The following DPP8 variants were observed in gnomAD, a reference collection of about 807,000 sequenced individuals.
The protein encoded by DPP8 is DPP VIII.
A neutral mutation model predicts 107.5 loss-of-function variants in DPP8; 31 were observed. The observed-to-expected ratio is 0.29, with a 90% confidence interval of 0.22 to 0.39. The LOEUF is 0.39. DPP8 is among the 10% of genes least tolerant of loss of function. The pLI is 1.00. For synonymous variants in DPP8, 381 were observed against 356.6 expected (o/e 1.07, Z -0.77); for missense variants, 842 against 1,076.1 (o/e 0.78, Z 3.04).
chr15:65,500,070 TA>T (rs1362923715), intron 4 of DPP8, among the ~76,000 whole-genome samples: 1 of 152,090 alleles, frequency 6.6e-6, no homozygotes, highest in Non-Finnish European at 1.5e-5. Flanking sequence ...TAAGTTTTTT[TA>T]AATTTTTTTT....
At position 65,510,750 on chromosome 15, in the gene DPP8, G is replaced by T. The variant is rs150486617; in HGVS notation, c.259+1545C>A. Among the ~76,000 whole-genome samples the T allele has an allele frequency of 3.4e-3, 522 of 152,262 alleles. 3 individuals carry two copies. The highest frequency in any genetic ancestry group is 0.012 in the African/African-American group (492 of 41,564). The stretch of plus-strand genomic sequence containing the variant: ...GACGCGGTTTCACCATGTTGGTGAG[G>T]CTGGTCTCAAACTCCTGACCTCAAG... On this transcript the variant is annotated intron_variant, in intron 2 of 19. Coordinates refer to ENST00000300141, the MANE Select transcript of DPP8 (RefSeq NM_130434.5).
At chr15:65,487,921 C>T in intron 6 of DPP8, 103 bp from the exon 7 acceptor site, 3 of 788,518 alleles carry the variant, frequency 3.8e-6, no homozygotes, top group Non-Finnish European at 6.0e-6. Context: ...TGAAGAATAA[C>T]TTATGTATAA....
At chr15:65,464,275 AGGG>A (rs2065158201) in intron 14 of DPP8, among the ~76,000 whole-genome samples, 6 of 152,130 alleles carry the variant, frequency 3.9e-5, no homozygotes, top group Admixed American at 3.9e-4. Flanking sequence ...AGGCAGGAGA[AGGG>A]TGTGAACCCG....
intron 9 of DPP8, 40 bp downstream of exon 9, chr15:65,481,475 C>T (rs2066918929): frequency 7.5e-7 from 1 of 1,339,510 alleles, no homozygotes; most frequent in Non-Finnish European, 1.0e-6. Flanking sequence ...GCTCTGGATC[C>T]TAAATTAGTT....
intron 11 of DPP8, among the ~76,000 whole-genome samples, chr15:65,477,118 C>T (rs1025625900): frequency 6.6e-6 from 1 of 152,068 alleles, no homozygotes; most frequent in African/African-American, 2.4e-5. Flanking sequence ...GTGATGATTG[C>T]ACAACAACAT....
At chr15:65,454,198 A>G in intron 17 of DPP8, 65 bp downstream of exon 17, 3 of 1,229,988 alleles carry the variant, frequency 2.4e-6, no homozygotes, top group Non-Finnish European at 3.2e-6. Flanking sequence ...ACATTTTCAT[A>G]TATCCTCCAT....
rs1273325137 is a variant in DPP8, at chr15:65,511,658, ACT to A, written c.259+635_259+636del. Among the ~76,000 whole-genome samples, 901 of 150,104 alleles carry A rather than the reference ACT, an allele frequency of 6.0e-3. 12 individuals are homozygous for A. Among genetic ancestry groups the A allele is most frequent in the African/African-American group, 0.021 (859 of 40,720 alleles). ...CTGTCTCAAAAAAAAAAAAAAAAAA[ACT>A]ATAATTATGACATGAACTCATGCAG... On this transcript the variant is annotated intron_variant, in intron 2 of 19. Coordinates refer to ENST00000300141, the MANE Select transcript of DPP8 (RefSeq NM_130434.5).
At chr15:65,473,344 G>T (rs898778065) in intron 12 of DPP8, among the ~76,000 whole-genome samples, 1 of 149,498 alleles carries the variant, frequency 6.7e-6, no homozygotes, top group Non-Finnish European at 1.5e-5. Flanking sequence ...AAAAAAAGAA[G>T]AATAGAGGGA....
chr15:65,469,653 CAAAAAAAAA>C lies in DPP8; in HGVS notation c.1537-2439_1537-2431del, dbSNP rs61311948. ...GGGCAACAAAAGCAAAACTCCGTCT[CAAAAAAAAA>C]AAAAAAAAAAAAAAATTACAAAAAT... On this transcript the variant is annotated intron_variant, in intron 12 of 19. Coordinates refer to ENST00000300141, the MANE Select transcript of DPP8 (RefSeq NM_130434.5). Among the ~76,000 whole-genome samples, 382 of 66,520 alleles carry C rather than the reference CAAAAAAAAA, an allele frequency of 5.7e-3. 2 individuals are homozygous for C. The highest frequency in any genetic ancestry group is 0.022 in the African/African-American group (369 of 16,596). The allele number at this position is 66,520 out of a possible 152,430, so 43.6% of individuals were successfully genotyped here.
chr15:65,478,605 T>C (rs557363282), intron 11 of DPP8, among the ~76,000 whole-genome samples: 9 of 152,150 alleles, frequency 5.9e-5, no homozygotes, highest in Non-Finnish European at 1.0e-4. Context: ...AAATTAAAAA[T>C]TGCAGTCAAG....
At chr15:65,512,808 T>C (rs981398976) in intron 1 of DPP8, 2 of 468,166 alleles carry the variant, frequency 4.3e-6, no homozygotes, top group South Asian at 3.4e-5. Flanking sequence ...ATCCCTTTGG[T>C]AGCTTTTATA....
At chr15:65,461,842 G>A (rs1223135193) in intron 15 of DPP8, among the ~76,000 whole-genome samples, 3 of 150,878 alleles carry the variant, frequency 2.0e-5, no homozygotes, top group Admixed American at 6.6e-5. Flanking sequence ...CTCATGATCC[G>A]CCTGCCTTGG....
chr15:65,515,591 A>G (rs1301244352), intron 1 of DPP8: 1 of 1,408,610 alleles, frequency 7.1e-7, no homozygotes, highest in African/African-American at 1.4e-5. Context: ...GTACCTTCTC[A>G]GCACAGTGCA....
rs186543908 is a variant in DPP8 at position 65,453,340 on chromosome 15, C to T, written c.2271+923G>A. 4.8e-3 allele frequency among the ~76,000 whole-genome samples: 725 copies of T among 152,290 alleles called. 10 individuals are homozygous for T. Among genetic ancestry groups the T allele is most frequent in the South Asian group, 0.045 (217 of 4,830 alleles). ...TATGTGTTTTACTAATCATAACCAT[C>T]TCCTACACTCTTTGGCATGTATCTA... On this transcript the variant is annotated intron_variant, in intron 17 of 19. Coordinates refer to ENST00000300141, the MANE Select transcript of DPP8 (RefSeq NM_130434.5).
chr15:65,512,654 G>A lies in DPP8; in HGVS notation c.-11-90C>T, dbSNP rs561629123. ...AGAGGGTCAAAAAAAAAGCGGGGGA[G>A]TGGGGAGGGCAAGAAAAAAATGCTT... is the stretch of plus-strand genomic sequence containing the variant. On this transcript the variant is annotated intron_variant, in intron 1 of 19. Transcript: ENST00000300141. The A allele has an allele frequency of 3.4e-5, 49 of 1,433,796 alleles. No individual in the cohort carries two copies. In the Admixed American group the frequency reaches 7.8e-4, roughly 23 times the overall value. The allele number at this position is 1,433,796 out of a possible 1,614,324, so 88.8% of individuals were successfully genotyped here.
intron 5 of DPP8, among the ~76,000 whole-genome samples, chr15:65,493,674 T>C (rs187264331): frequency 6.6e-6 from 1 of 152,300 alleles, no homozygotes; most frequent in African/African-American, 2.4e-5. Flanking sequence ...TAACCCCCAT[T>C]TGTATCTTCC....
intron 19 of DPP8, among the ~76,000 whole-genome samples, chr15:65,448,555 C>T (rs2063640637): frequency 6.7e-6 from 1 of 150,066 alleles, no homozygotes; most frequent in Non-Finnish European, 1.5e-5. Context: ...ACCGGTAGTC[C>T]CAGCTACTCG....
chr15:65,447,071 A>G lies in DPP8; in HGVS notation c.2527-65T>C. On this transcript the variant is annotated intron_variant, in intron 19 of 19. Coordinates refer to ENST00000300141, the MANE Select transcript of DPP8 (RefSeq NM_130434.5). ...GAATTTAGTAATACATCTTCTTCCA[A>G]AGCTTTCCAGAGATTTTTAACAGGA... 5.4e-6 allele frequency: 7 copies of G among 1,307,606 alleles called. No individual in the cohort carries two copies. In the South Asian group the frequency reaches 1.0e-4, roughly 20 times the overall value. 81.0% of individuals were successfully genotyped at this position (1,307,606 alleles called of 1,614,324 possible). A position where few individuals can be genotyped will look rare whatever the true frequency, so the allele number is the denominator to read the frequency against.
At chr15:65,449,611 T>C (rs140287244) in intron 19 of DPP8, among the ~76,000 whole-genome samples, 2 of 152,254 alleles carry the variant, frequency 1.3e-5, no homozygotes, top group Non-Finnish European at 2.9e-5. Flanking sequence ...GGTTTTACCA[T>C]GTTTGCCAGG....
Sources: allele counts gnomAD v4.1 joint callset (sites outside exome capture counted in the v4.1 genomes callset), GRCh38; gene constraint gnomAD v4.1.1; transcripts MANE v1.5; gene names NCBI Gene and HGNC (gene_info 2026-07-23, HGNC 2026-07-21).